MED13L: variants seen among roughly 807,000 people sequenced by gnomAD.
MED13L encodes the protein mediator of RNA polymerase II transcription subunit 13-like.
Under a neutral mutation model 220.9 loss-of-function variants are expected in MED13L, and 7 were observed. That is an observed-to-expected ratio of 0.03 (90% CI 0.02 to 0.06). The LOEUF (loss-of-function observed/expected upper bound fraction) is 0.06, where lower values mean the gene tolerates loss of function less well. Among genes scored for constraint, MED13L ranks in the 10% least tolerant of loss-of-function variants. The probability of loss-of-function intolerance (pLI) is 1.00; values close to 1 mark genes in which losing one functional copy is unlikely to be tolerated. For missense variants in MED13L, 1,965 were observed against 2,760.5 expected (o/e 0.71, Z 6.46); for synonymous variants, 1,011 against 1,015.2 (o/e 1.00, Z 0.08).
At chr12:116,214,414 T>G (rs1882882266) in intron 2 of MED13L, among the ~76,000 whole-genome samples, 1 of 152,088 alleles carries the variant, frequency 6.6e-6, no homozygotes, top group Non-Finnish European at 1.5e-5. Context: ...ACCTTCTCTC[T>G]TCACTTAGAC....
chr12:116,044,107 G>A (rs1051757566), intron 4 of MED13L, among the ~76,000 whole-genome samples: 2 of 152,200 alleles, frequency 1.3e-5, no homozygotes, highest in African/African-American at 4.8e-5. Context: ...AACAGCAAGA[G>A]AAGGAGGTCC....
At chr12:115,996,409 C>A in intron 16 of MED13L, 67 bp downstream of exon 16, 1 of 1,554,916 alleles carries the variant, frequency 6.4e-7, no homozygotes, top group Admixed American at 1.7e-5. Flanking sequence ...TCATTTTTAA[C>A]AAACATTTAG....
intron 4 of MED13L, among the ~76,000 whole-genome samples, chr12:116,073,665 G>A (rs925011907): frequency 5.9e-5 from 9 of 152,106 alleles, no homozygotes; most frequent in Non-Finnish European, 1.2e-4. Flanking sequence ...TATTGAGGAA[G>A]GTAAATAAGT....
chr12:116,117,951 G>A (rs1593064163), intron 2 of MED13L, among the ~76,000 whole-genome samples: 1 of 152,162 alleles, frequency 6.6e-6, no homozygotes, highest in East Asian at 1.9e-4. Context: ...GGGAGTTACA[G>A]GCATAGGCCA....
intron 24 of MED13L, 34 bp downstream of exon 24, chr12:115,975,481 A>C: frequency 6.2e-7 from 1 of 1,604,318 alleles, no homozygotes; most frequent in Non-Finnish European, 8.5e-7. Context: ...TACAGCATTA[A>C]TTTACATGCA....
At chr12:115,985,623 G>T (rs1877634513) in intron 19 of MED13L, among the ~76,000 whole-genome samples, 1 of 152,070 alleles carries the variant, frequency 6.6e-6, no homozygotes, top group Non-Finnish European at 1.5e-5. Context: ...TAAGAAATGT[G>T]GCACTTATTC....
intron 9 of MED13L, among the ~76,000 whole-genome samples, chr12:116,011,427 G>A (rs1318455944): frequency 2.6e-5 from 4 of 152,196 alleles, no homozygotes; most frequent in Non-Finnish European, 4.4e-5. Context: ...TAATAAAAAT[G>A]TGTAAAAGTC....
chr12:116,118,129 G>C (rs1345917891), intron 2 of MED13L, among the ~76,000 whole-genome samples: 2 of 151,976 alleles, frequency 1.3e-5, no homozygotes. Flanking sequence ...TTTTTTAAAT[G>C]CTAAAAATTA....
At chr12:116,249,992 A>C (rs1364534815) in intron 1 of MED13L, among the ~76,000 whole-genome samples, 2 of 148,760 alleles carry the variant, frequency 1.3e-5, no homozygotes, top group Non-Finnish European at 3.0e-5. Flanking sequence ...CCTATGATCT[A>C]AAGAGTTCAG....
intron 2 of MED13L, among the ~76,000 whole-genome samples, chr12:116,197,068 C>G (rs577281374): frequency 8.9e-4 from 136 of 152,294 alleles, no homozygotes; most frequent in African/African-American, 3.1e-3. Flanking sequence ...TCTCTCAAGA[C>G]AAAGCATACT....
chr12:116,238,331 G>T (rs1233662813), intron 1 of MED13L, among the ~76,000 whole-genome samples: 1 of 152,118 alleles, frequency 6.6e-6, no homozygotes. Context: ...AATGTAGTTT[G>T]GTATTTTATT....
At chr12:116,057,696 T>G (rs1566035081) in intron 4 of MED13L, among the ~76,000 whole-genome samples, 2 of 151,856 alleles carry the variant, frequency 1.3e-5, no homozygotes, top group Admixed American at 6.6e-5. Flanking sequence ...TAAAGTCTAT[T>G]TCCATACCAT....
rs1451971095 is a variant in MED13L, at chr12:115,983,353, A to G, written c.4719T>C (p.Pro1573=). ...AACCAGATGCAGAACTACTTGCTGC[A>G]GGATTTGTAGAACTACTATTCGAGG... ...NPTSNSSSTN[P]AASSSASGSS... is the part of the protein sequence containing the mutation. The change falls in exon 21 of 31, where the codon CCT becomes CCC. Residue 1573 remains proline (P), a synonymous_variant. Coordinates refer to ENST00000281928, the MANE Select transcript of MED13L (RefSeq NM_015335.5). 18 of 1,614,114 alleles carry G rather than the reference A, an allele frequency of 1.1e-5. No individual in the cohort carries two copies. Among genetic ancestry groups the G allele is most frequent in the Non-Finnish European group, 1.5e-5 (18 of 1,180,034 alleles).
intron 2 of MED13L, among the ~76,000 whole-genome samples, chr12:116,224,421 A>G (rs1374991888): frequency 1.3e-5 from 2 of 152,172 alleles, no homozygotes; most frequent in African/African-American, 4.8e-5. Context: ...AGCCTCTCAC[A>G]TAAAACTCCA....
chr12:116,245,728 A>C (rs1025286269), intron 1 of MED13L, among the ~76,000 whole-genome samples: 3 of 148,806 alleles, frequency 2.0e-5, no homozygotes, highest in African/African-American at 7.4e-5. Context: ...AATCTCCCAG[A>C]AAGTGAAACA....
At chr12:115,990,666 G>A (rs1049987237) in intron 17 of MED13L, among the ~76,000 whole-genome samples, 3 of 152,206 alleles carry the variant, frequency 2.0e-5, no homozygotes, top group African/African-American at 7.2e-5. Flanking sequence ...TTGGAAACTT[G>A]ATCTGGAAGA....
chr12:116,115,002 A>C (rs570099292), intron 2 of MED13L, among the ~76,000 whole-genome samples: 1 of 152,304 alleles, frequency 6.6e-6, no homozygotes, highest in South Asian at 2.1e-4. Flanking sequence ...CAAACTACAG[A>C]ATCAACTCAA....
intron 2 of MED13L, among the ~76,000 whole-genome samples, chr12:116,210,281 G>A (rs138778541): frequency 1.5e-4 from 23 of 152,090 alleles, no homozygotes; most frequent in Middle Eastern, 3.4e-3. Context: ...TGGACTATAC[G>A]TCTGGATCTG....
intron 30 of MED13L, among the ~76,000 whole-genome samples, chr12:115,962,370 G>A (rs1875824446): frequency 6.6e-6 from 1 of 152,180 alleles, no homozygotes; most frequent in Admixed American, 6.5e-5. Context: ...GTGCCCCTAT[G>A]AGAATCTAAT....
Sources: allele counts gnomAD v4.1 joint callset (sites outside exome capture counted in the v4.1 genomes callset), GRCh38; gene constraint gnomAD v4.1.1; transcripts MANE v1.5; gene names NCBI Gene and HGNC (gene_info 2026-07-23, HGNC 2026-07-21).